The following PTPRG variants were observed in gnomAD, a reference collection of about 807,000 sequenced individuals.
PTPRG encodes the protein protein tyrosine phosphatase receptor type G.
A neutral mutation model predicts 165.3 loss-of-function variants in PTPRG; 102 were observed. The observed-to-expected ratio is 0.62, with a 90% CI of 0.53 to 0.73. PTPRG has a LOEUF of 0.73. Ranked by LOEUF, PTPRG falls within the 30% of genes least tolerant of loss-of-function variation. The pLI is 0.00. For synonymous variants in PTPRG, 675 were observed against 669.5 expected (o/e 1.01, Z -0.13); for missense variants, 1,866 against 1,861.4 (o/e 1.00, Z -0.05).
intron 2 of PTPRG, among the ~76,000 whole-genome samples, chr3:61,771,710 C>T (rs778289317): frequency 6.6e-6 from 1 of 152,144 alleles, no homozygotes; most frequent in African/African-American, 2.4e-5. Flanking sequence ...AAATATATCT[C>T]CTCTCATCCT....
At chr3:62,202,483 A>C (rs1700117083) in intron 11 of PTPRG, among the ~76,000 whole-genome samples, 1 of 152,152 alleles carries the variant, frequency 6.6e-6, no homozygotes, top group Non-Finnish European at 1.5e-5. Context: ...ATTGTTGTTG[A>C]TGTTGTTGTC....
chr3:61,976,902 T>A (rs2040521011), intron 2 of PTPRG, among the ~76,000 whole-genome samples: 1 of 152,162 alleles, frequency 6.6e-6, no homozygotes, highest in Admixed American at 6.5e-5. Context: ...CTTCAACTGC[T>A]GACCTCAGGT....
chr3:62,026,556 CT>C (rs1274211429), intron 4 of PTPRG, among the ~76,000 whole-genome samples: 3 of 152,100 alleles, frequency 2.0e-5, no homozygotes, highest in Non-Finnish European at 2.9e-5. Context: ...AGACATGTAA[CT>C]TTACTTATGC....
chr3:62,288,546 G>A (rs1470371203), intron 28 of PTPRG, among the ~76,000 whole-genome samples: 10 of 152,016 alleles, frequency 6.6e-5, no homozygotes, highest in Non-Finnish European at 8.8e-5. Flanking sequence ...GGTGGCAGGC[G>A]CCAGTAATCC....
At chr3:61,813,954 G>A (rs1341932412) in intron 2 of PTPRG, among the ~76,000 whole-genome samples, 1 of 149,920 alleles carries the variant, frequency 6.7e-6, no homozygotes, top group Admixed American at 6.7e-5. Context: ...GGAGTGCAGT[G>A]GCGCAATCTT....
rs369694824 is a variant in PTPRG, at chr3:62,260,663, G to A, written c.2560-2135G>A. ...TAAATTTACAATGCATACTCCATTG[G>A]CCAGTGTCTCTTTAAAGGGTTTTTA... On this transcript the variant is annotated intron_variant, in intron 16 of 29. Transcript: ENST00000474889. Among the ~76,000 whole-genome samples, 5 of 152,172 alleles carry A rather than the reference G, an allele frequency of 3.3e-5. No individual in the cohort carries two copies. The South Asian group carries it at 1.0e-3, about 32-fold the overall frequency.
intron 2 of PTPRG, among the ~76,000 whole-genome samples, chr3:61,962,329 G>T (rs2040171259): frequency 6.6e-6 from 1 of 152,186 alleles, no homozygotes; most frequent in African/African-American, 2.4e-5. Context: ...GCTAGAAATG[G>T]TGGTAGTCAG....
chr3:62,243,703 T>G, intron 14 of PTPRG, 104 bp from the exon 15 acceptor site: 1 of 711,448 alleles, frequency 1.4e-6, no homozygotes, highest in South Asian at 2.2e-5. Context: ...CTCAGTGCTG[T>G]GTGATGTTTA....
intron 1 of PTPRG, among the ~76,000 whole-genome samples, chr3:61,633,412 C>G (rs757751343): frequency 7.7e-4 from 117 of 152,274 alleles, no homozygotes; most frequent in Middle Eastern, 3.4e-3. Flanking sequence ...GTTATAGATG[C>G]AGCTTATGGA....
chr3:61,765,808 G>T (rs1270223421), intron 2 of PTPRG, among the ~76,000 whole-genome samples: 1 of 152,176 alleles, frequency 6.6e-6, no homozygotes, highest in South Asian at 2.1e-4. Flanking sequence ...GCTACCTTGT[G>T]ATGGGGTATA....
At chr3:61,869,993 C>G (rs1007690353) in intron 2 of PTPRG, among the ~76,000 whole-genome samples, 3 of 151,892 alleles carry the variant, frequency 2.0e-5, no homozygotes, top group South Asian at 2.1e-4. Flanking sequence ...CCCCATCACC[C>G]TACGTCCCCT....
chr3:62,013,103 TAAAC>T (rs199913654), intron 4 of PTPRG, among the ~76,000 whole-genome samples: 4,321 of 152,208 alleles, frequency 0.028, 88 homozygotes, highest in Non-Finnish European at 0.044. Context: ...TAATACAACT[TAAAC>T]AAGAATATTT....
At chr3:62,110,111 T>C (rs958138223) in intron 5 of PTPRG, among the ~76,000 whole-genome samples, 1 of 138,040 alleles carries the variant, frequency 7.2e-6, no homozygotes, top group Non-Finnish European at 1.6e-5. Context: ...TTTTTTTTTT[T>C]TGCAGTAGCT....
At chr3:62,073,121 CAAAAAT>C in intron 4 of PTPRG, among the ~76,000 whole-genome samples, 1 of 152,002 alleles carries the variant, frequency 6.6e-6, no homozygotes, top group East Asian at 1.9e-4. Flanking sequence ...TAAATAGAAA[CAAAAAT>C]AAACAAGTCC....
chr3:62,092,203 G>A (rs1701960528), intron 5 of PTPRG, among the ~76,000 whole-genome samples: 1 of 151,732 alleles, frequency 6.6e-6, no homozygotes, highest in Admixed American at 6.6e-5. Context: ...ACTTTGGGAG[G>A]CCGAGGCAGG....
chr3:62,077,693 T>A (rs1214347766), intron 4 of PTPRG, among the ~76,000 whole-genome samples: 2 of 152,050 alleles, frequency 1.3e-5, no homozygotes, highest in Non-Finnish European at 2.9e-5. Context: ...ACATGATGTC[T>A]GGGTTTGTTC....
chr3:62,172,930 G>T (rs1186300745), intron 8 of PTPRG, among the ~76,000 whole-genome samples: 1 of 152,172 alleles, frequency 6.6e-6, no homozygotes, highest in Non-Finnish European at 1.5e-5. Flanking sequence ...CATAAGGCAG[G>T]AGTCATTTAA....
At chr3:62,114,496 C>A (rs1259832121) in intron 5 of PTPRG, among the ~76,000 whole-genome samples, 1 of 152,068 alleles carries the variant, frequency 6.6e-6, no homozygotes, top group Non-Finnish European at 1.5e-5. Flanking sequence ...TCACAAGTTT[C>A]TTGTGCTTTT....
chr3:61,750,916 T>G (rs1206853980), intron 2 of PTPRG: 1 of 152,224 alleles, frequency 6.6e-6, no homozygotes, highest in African/African-American at 2.4e-5. Flanking sequence ...CTTGTTCCAG[T>G]TGATTTTTTT....
Sources: allele counts gnomAD v4.1 joint callset (sites outside exome capture counted in the v4.1 genomes callset), GRCh38; gene constraint gnomAD v4.1.1; transcripts MANE v1.5; gene names NCBI Gene and HGNC (gene_info 2026-07-23, HGNC 2026-07-21).